CRNKL1: variants seen among roughly 807,000 people sequenced by gnomAD.
CRNKL1 encodes crooked neck pre-mRNA splicing factor 1, also known as crooked neck-like protein 1.
A neutral mutation model predicts 103.7 loss-of-function variants in CRNKL1; 35 were observed. The ratio of observed to expected loss-of-function variants is 0.34; its 90% CI spans 0.26 to 0.45. The LOEUF (loss-of-function observed/expected upper bound fraction) is 0.45, where lower values mean the gene tolerates loss of function less well. CRNKL1 is among the 20% of genes least tolerant of loss of function. The pLI is 1.00. For missense variants in CRNKL1, 645 were observed against 836.0 expected (o/e 0.77, Z 2.82); for synonymous variants, 267 against 282.6 (o/e 0.94, Z 0.55).
intron 11 of CRNKL1, among the ~76,000 whole-genome samples, 168 bp downstream of exon 11, chr20:20,039,441 C>T (rs760078803): frequency 2.6e-5 from 4 of 152,164 alleles, no homozygotes; most frequent in South Asian, 2.1e-4. Context: ...GGGCTACTTC[C>T]CCTGTCCCCC....
chr20:20,037,791 G>A (rs1240070540), intron 12 of CRNKL1, among the ~76,000 whole-genome samples: 1 of 152,104 alleles, frequency 6.6e-6, no homozygotes, highest in Non-Finnish European at 1.5e-5. Flanking sequence ...TTAAACTCTT[G>A]AAAAGAGTTT....
intron 12 of CRNKL1, 114 bp from the exon 13 acceptor site, chr20:20,037,685 C>T: frequency 3.2e-6 from 3 of 945,446 alleles, no homozygotes; most frequent in South Asian, 1.7e-5. Flanking sequence ...GTGTGCATCA[C>T]TAATGTTTCA....
rs376593275 is a variant in CRNKL1 at position 20,050,542 on chromosome 20, A to T, written c.132T>A (p.Leu44=). The T allele has an allele frequency of 3.1e-6, 5 of 1,613,862 alleles. No homozygotes were observed. Among genetic ancestry groups the T allele is most frequent in the Admixed American group, 1.7e-5 (1 of 59,998 alleles). ...TCTTCTGTTGAGGTGGAGGTGGAAG[A>T]AGCTCAAGTTCTCTTTCTTTAGCCT... is the stretch of plus-strand genomic sequence containing the variant. ...LREAKERELE[L]LPPPPQQKIT... Residue 44 remains leucine, a synonymous_variant, in exon 2 of 14, where the codon CTT becomes CTA. Coordinates refer to ENST00000536226, the MANE Select transcript of CRNKL1 (RefSeq NM_001278628.2).
chr20:20,055,338 G>A (rs1029804541), upstream of CRNKL1, among the ~76,000 whole-genome samples: 69 of 152,288 alleles, frequency 4.5e-4, no homozygotes, highest in African/African-American at 1.6e-3. Flanking sequence ...GGACTTCTCA[G>A]CAGTATTTTT....
upstream of CRNKL1, among the ~76,000 whole-genome samples, chr20:20,055,599 T>G (rs968822644): frequency 7.2e-5 from 11 of 152,232 alleles, no homozygotes; most frequent in African/African-American, 2.7e-4. Context: ...CTTTTCTTGT[T>G]TTCTTTTTAC....
In CRNKL1 at chr20:20,037,433, A is replaced by G. The variant is rs1398522148; in HGVS notation, c.1786T>C (p.Ser596Pro). ...EKEERLMLLESWRSFEEEFGT... is the reference protein window; with the variant it reads ...EKEERLMLLEPWRSFEEEFGT... Reference sequence around the variant, plus strand: ...AATTCTTCTTCAAAACTTCGCCAAGATTCCAGCAGCATAAGTCTCTCTTCC... The same window carrying G: ...AATTCTTCTTCAAAACTTCGCCAAGGTTCCAGCAGCATAAGTCTCTCTTCC... The change falls in exon 13 of 14, where the codon TCT becomes CCT. Residue 596 changes from serine to proline, a missense_variant. By Grantham distance (74) the Ser-to-Pro change is moderately conservative. This residue lies in a region of CRNKL1 where 582 missense variants were observed against 707.7 expected (regional missense o/e 0.82). Coordinates refer to ENST00000536226, the MANE Select transcript of CRNKL1 (RefSeq NM_001278628.2). 6.2e-7 allele frequency: 1 copy of G among 1,614,160 alleles called. No homozygotes were observed. Among genetic ancestry groups the G allele is most frequent in the South Asian group, 1.1e-5 (1 of 91,084 alleles).
intron 6 of CRNKL1, among the ~76,000 whole-genome samples, chr20:20,044,626 CT>C (rs1045420849): frequency 1.3e-5 from 2 of 151,324 alleles, no homozygotes; most frequent in African/African-American, 2.4e-5. Context: ...TTTGAACTCC[CT>C]TTTTTTTTAA....
chr20:20,048,080 A>G (rs555208316), intron 4 of CRNKL1, 149 bp from the exon 5 acceptor site: 2 of 1,134,542 alleles, frequency 1.8e-6, no homozygotes, highest in African/African-American at 3.1e-5. Flanking sequence ...GAACCATTGG[A>G]AAAAAAGATT....
chr20:20,051,056 T>C (rs2043707341), intron 1 of CRNKL1, among the ~76,000 whole-genome samples: 2 of 152,246 alleles, frequency 1.3e-5, no homozygotes, highest in African/African-American at 4.8e-5. Context: ...TACATGGCAC[T>C]TCAAGTCAAA....
chr20:20,047,973 C>A, intron 4 of CRNKL1, 42 bp from the exon 5 acceptor site: 2 of 1,582,320 alleles, frequency 1.3e-6, no homozygotes, highest in South Asian at 1.1e-5. Flanking sequence ...TGGTTTAGTT[C>A]TTCCATTGTT....
chr20:20,055,534 C>T (rs7270270), upstream of CRNKL1, among the ~76,000 whole-genome samples: 6,401 of 152,198 alleles, frequency 0.042, 491 homozygotes, highest in African/African-American at 0.15. Context: ...TGTGTCAGAT[C>T]GGCTCACATC....
At chr20:20,048,953 A>C in intron 3 of CRNKL1, among the ~76,000 whole-genome samples, 1 of 152,174 alleles carries the variant, frequency 6.6e-6, no homozygotes, top group East Asian at 1.9e-4. Flanking sequence ...GGAAGGAGGT[A>C]TGCGGGGAGA....
upstream of CRNKL1, among the ~76,000 whole-genome samples, chr20:20,054,350 A>G (rs1160115295): frequency 6.6e-6 from 1 of 152,094 alleles, no homozygotes; most frequent in African/African-American, 2.4e-5. Context: ...GCCGTAGACT[A>G]AATTCAGCCC....
Position 20,045,491 on chromosome 20 carries a change from A to C in CRNKL1, c.623-5T>G. ...CATCAGGGTGCACGAGGACAAGTGC[A>C]AGGGAATTAAGGAAATCCCAGGCAA... is the stretch of plus-strand genomic sequence containing the variant. On this transcript the variant is annotated splice_polypyrimidine_tract_variant and splice_region_variant and intron_variant, in intron 5 of 13. Transcript: ENST00000536226. The C allele has an allele frequency of 6.3e-7, 1 of 1,592,016 alleles. No homozygotes were observed. The highest frequency in any genetic ancestry group is 1.1e-5 in the South Asian group (1 of 88,396).
chr20:20,037,687 A>G, intron 12 of CRNKL1, 116 bp from the exon 13 acceptor site: 3 of 900,958 alleles, frequency 3.3e-6, no homozygotes, highest in South Asian at 1.7e-5. Context: ...GTGCATCACT[A>G]ATGTTTCACA....
chr20:20,042,174 C>T (rs756662410), intron 8 of CRNKL1, 151 bp downstream of exon 8: 171 of 614,942 alleles, frequency 2.8e-4, no homozygotes, highest in Non-Finnish European at 4.0e-4. Flanking sequence ...TGTTGCAGAG[C>T]GAATATATAA....
intron 5 of CRNKL1, 126 bp from the exon 6 acceptor site, chr20:20,045,612 A>G (rs984436732): frequency 1.3e-6 from 1 of 765,990 alleles, no homozygotes; most frequent in Non-Finnish European, 2.1e-6. Flanking sequence ...CTAGGGGAAC[A>G]AAACACATAC....
upstream of CRNKL1, among the ~76,000 whole-genome samples, chr20:20,053,686 T>C (rs1190535643): frequency 6.6e-6 from 1 of 152,120 alleles, no homozygotes; most frequent in Non-Finnish European, 1.5e-5. Context: ...CCAACATCAA[T>C]GTATTTGCCA....
At chr20:20,046,910 C>T (rs999124919) in intron 5 of CRNKL1, among the ~76,000 whole-genome samples, 3 of 152,204 alleles carry the variant, frequency 2.0e-5, no homozygotes, top group African/African-American at 7.2e-5. Context: ...TTAGCAAATA[C>T]GTGATTTTGC....
Sources: gnomAD v4.1 joint callset for allele counts (sites outside exome capture counted in the v4.1 genomes callset) on GRCh38, gnomAD v4.1.1 for gene constraint, gnomAD v4.1.1 regional missense constraint, MANE v1.5 for transcripts, NCBI Gene and HGNC (gene_info 2026-07-23, HGNC 2026-07-21) for gene names.